The following PDE4D variants were observed in gnomAD, a reference collection of about 807,000 sequenced individuals.
The protein encoded by PDE4D is phosphodiesterase 4D.
Under a neutral mutation model 87.4 loss-of-function variants are expected in PDE4D, and 24 were observed. That is an observed-to-expected ratio of 0.27 (90% CI 0.20 to 0.39). The LOEUF is 0.39. Among genes scored for constraint, PDE4D ranks in the 10% least tolerant of loss-of-function variants. The probability of loss-of-function intolerance (pLI) is 1.00; values close to 1 mark genes in which losing one functional copy is unlikely to be tolerated. For synonymous variants in PDE4D, 384 were observed against 383.2 expected (o/e 1.00, Z -0.02); for missense variants, 714 against 1,041.0 (o/e 0.69, Z 4.32).
intron 1 of PDE4D, among the ~76,000 whole-genome samples, chr5:59,603,595 T>C (rs1827801870): frequency 6.6e-6 from 1 of 151,904 alleles, no homozygotes; most frequent in Admixed American, 6.6e-5. Flanking sequence ...GGAGGTTCTT[T>C]GAATAATTAA....
chr5:60,057,769 G>T (rs1770936123), intron 2 of PDE4D, among the ~76,000 whole-genome samples: 1 of 151,892 alleles, frequency 6.6e-6, no homozygotes, highest in South Asian at 2.1e-4. Flanking sequence ...TTTGGGTATA[G>T]GTACTTATGA....
chr5:59,497,928 C>T (rs778606759), intron 1 of PDE4D, among the ~76,000 whole-genome samples: 1 of 151,984 alleles, frequency 6.6e-6, no homozygotes. Flanking sequence ...CTAGAGAAAA[C>T]AGTCATATCA....
At chr5:59,667,847 C>A (rs1441271238) in intron 1 of PDE4D, among the ~76,000 whole-genome samples, 1 of 152,222 alleles carries the variant, frequency 6.6e-6, no homozygotes, top group African/African-American at 2.4e-5. Flanking sequence ...CAAGATGGAT[C>A]TTCCTGCGGC....
intron 2 of PDE4D, among the ~76,000 whole-genome samples, chr5:59,998,336 C>G (rs534807670): frequency 2.6e-5 from 4 of 152,160 alleles, no homozygotes; most frequent in African/African-American, 9.6e-5. Context: ...GTAGGAAACC[C>G]AGAAAAATCA....
rs775639390 is a variant in PDE4D at position 58,993,353 on chromosome 5, T to A, written c.1015+19A>T. On this transcript the variant is annotated intron_variant, in intron 7 of 14. Coordinates refer to ENST00000340635, the MANE Select transcript of PDE4D (RefSeq NM_001104631.2). ...AAACAACTGAAGAAAAAAATTTAAT[T>A]GCATGTTGTTATTCTCACCTAAGAA... The A allele has an allele frequency of 7.1e-7, 1 of 1,404,572 alleles. No homozygotes were observed. Among genetic ancestry groups the A allele is most frequent in the Admixed American group, 2.3e-5 (1 of 43,208 alleles). The allele number at this position is 1,404,572 out of a possible 1,614,324, so 87.0% of individuals were successfully genotyped here. A position where few individuals can be genotyped will look rare whatever the true frequency, so the allele number is the denominator to read the frequency against.
chr5:59,798,323 A>G (rs1766737763), intron 1 of PDE4D, among the ~76,000 whole-genome samples: 1 of 151,302 alleles, frequency 6.6e-6, no homozygotes, highest in Non-Finnish European at 1.5e-5. Context: ...GAAGAGCAAA[A>G]TTCAATTTAG....
chr5:60,518,446 A>G (rs879466594), intron 1 of PDE4D, among the ~76,000 whole-genome samples: 1 of 152,218 alleles, frequency 6.6e-6, no homozygotes, highest in African/African-American at 2.4e-5. Flanking sequence ...AGCAACGAAT[A>G]CACAGCCTCA....
Position 59,865,649 on chromosome 5 carries a change from A to G in PDE4D, c.455+27519T>C, listed in dbSNP as rs1005930269. On this transcript the variant is annotated intron_variant, in intron 1 of 14. Transcript: ENST00000340635. ...TGTATCTAAATTGTCAGGTCTTTGT[A>G]CGCTCATATTTATTTAGTAATTTCA... Among the ~76,000 whole-genome samples, 2 of 152,218 alleles carry G rather than the reference A, an allele frequency of 1.3e-5. 1 individual carries two copies. The highest frequency in any genetic ancestry group is 1.3e-4 in the Admixed American group (2 of 15,278).
intron 1 of PDE4D, among the ~76,000 whole-genome samples, chr5:60,372,297 C>A (rs1761108330): frequency 6.6e-6 from 1 of 152,192 alleles, no homozygotes; most frequent in African/African-American, 2.4e-5. Flanking sequence ...GCACTCAGCT[C>A]CTCTCTGGTT....
chr5:60,321,937 C>T (rs564263629), intron 1 of PDE4D, among the ~76,000 whole-genome samples: 29 of 151,550 alleles, frequency 1.9e-4, no homozygotes, highest in East Asian at 1.4e-3. Context: ...TAAAAGGGAA[C>T]GCTTACACAC....
At position 59,009,326 on chromosome 5, in the gene PDE4D, C is replaced by G. The variant is rs918810633; in HGVS notation, c.922-15861G>C. 5.9e-5 allele frequency among the ~76,000 whole-genome samples: 9 copies of G among 152,180 alleles called. No individual in the cohort carries two copies. In the East Asian group the frequency reaches 1.7e-3, roughly 29 times the overall value. ...AGAAACCCAGAAACAGTTCAGATAT[C>G]AGTCAACTGGTGAATGGGTAAACAA... On this transcript the variant is annotated intron_variant, in intron 6 of 14. Coordinates refer to ENST00000340635, the MANE Select transcript of PDE4D (RefSeq NM_001104631.2).
chr5:59,181,945 G>C (rs1741703610), intron 4 of PDE4D, among the ~76,000 whole-genome samples: 1 of 152,040 alleles, frequency 6.6e-6, no homozygotes, highest in South Asian at 2.1e-4. Flanking sequence ...GAATTTCTTA[G>C]CAGGGTGGGG....
intron 5 of PDE4D, among the ~76,000 whole-genome samples, chr5:59,126,304 A>G (rs1437791593): frequency 6.6e-6 from 1 of 152,224 alleles, no homozygotes; most frequent in Non-Finnish European, 1.5e-5. Flanking sequence ...TCAGAGGATA[A>G]CCCAAATTCC....
At chr5:59,029,862 G>C (rs1179583856) in intron 6 of PDE4D, among the ~76,000 whole-genome samples, 1 of 152,158 alleles carries the variant, frequency 6.6e-6, no homozygotes, top group Non-Finnish European at 1.5e-5. Flanking sequence ...GAACAGGATA[G>C]AAAGCCCAGA....
At chr5:58,999,627 C>A in intron 6 of PDE4D, 1 of 1,190,482 alleles carries the variant, frequency 8.4e-7, no homozygotes, top group Non-Finnish European at 1.0e-6. Context: ...ACTTTAACAA[C>A]CTCCACAAGC....
At chr5:59,325,779 T>C (rs530363254) in intron 1 of PDE4D, among the ~76,000 whole-genome samples, 4 of 152,136 alleles carry the variant, frequency 2.6e-5, no homozygotes, top group Non-Finnish European at 2.9e-5. Flanking sequence ...CTAATTTCTA[T>C]GTGTGGAGGG....
At chr5:59,286,715 C>T (rs751717885) in intron 1 of PDE4D, among the ~76,000 whole-genome samples, 23 of 152,158 alleles carry the variant, frequency 1.5e-4, no homozygotes, top group Admixed American at 5.9e-4. Context: ...CCTCATTCTG[C>T]ACACTCACAT....
At chr5:60,309,392 G>A (rs1253594523) in intron 1 of PDE4D, among the ~76,000 whole-genome samples, 1 of 151,912 alleles carries the variant, frequency 6.6e-6, no homozygotes, top group East Asian at 1.9e-4. Context: ...TAAACAACTG[G>A]ACAAACTAAA....
intron 1 of PDE4D, among the ~76,000 whole-genome samples, chr5:60,427,664 TG>T (rs1743838151): frequency 6.6e-6 from 1 of 152,362 alleles, no homozygotes; most frequent in African/African-American, 2.4e-5. Context: ...TAAAGTAGTA[TG>T]TTTTCTTTCT....
Sources: gnomAD v4.1 joint callset for allele counts (sites outside exome capture counted in the v4.1 genomes callset) on GRCh38, gnomAD v4.1.1 for gene constraint, MANE v1.5 for transcripts, NCBI Gene and HGNC (gene_info 2026-07-23, HGNC 2026-07-21) for gene names.